Variants in BTAF1 observed in about 807,000 individuals in gnomAD.
The protein encoded by BTAF1 is TATA-binding protein-associated factor 172.
Under a neutral mutation model 227.1 loss-of-function variants are expected in BTAF1, and 38 were observed. That is an observed-to-expected ratio of 0.17 (90% CI 0.13 to 0.22). The LOEUF (loss-of-function observed/expected upper bound fraction) is 0.22. Among genes scored for constraint, BTAF1 ranks in the 10% least tolerant of loss-of-function variants. BTAF1 has a pLI of 1.00. For synonymous variants in BTAF1, 742 were observed against 751.9 expected (o/e 0.99, Z 0.21); for missense variants, 1,598 against 2,204.0 (o/e 0.73, Z 5.51).
chr10:91,964,024 T>G, intron 12 of BTAF1, 53 bp from the exon 13 acceptor site: 1 of 1,601,262 alleles, frequency 6.2e-7, no homozygotes, highest in Admixed American at 1.7e-5. Context: ...TTGGCAGGGT[T>G]TGTGAGTATT....
At chr10:91,932,647 A>G (rs939526359) in intron 1 of BTAF1, among the ~76,000 whole-genome samples, 1 of 152,222 alleles carries the variant, frequency 6.6e-6, no homozygotes. Flanking sequence ...GCCACAAAAA[A>G]ATATAATAAA....
Position 91,942,650 on chromosome 10 carries a change from C to T in BTAF1, c.400+82C>T, listed in dbSNP as rs1221497242. The T allele has an allele frequency of 6.4e-6, 9 of 1,404,608 alleles. 1 individual carries two copies. Among genetic ancestry groups the T allele is most frequent in the South Asian group, 2.7e-5 (2 of 74,630 alleles). 87.0% of individuals were successfully genotyped at this position (1,404,608 alleles called of 1,614,324 possible). A position where few individuals can be genotyped will look rare whatever the true frequency, so the allele number is the denominator to read the frequency against. ...ACTGTGGTATGCTGTTCATTAGTCA[C>T]ACGTAAACTAACATGTCATGAAATG... On this transcript the variant is annotated intron_variant, in intron 4 of 37. Coordinates refer to ENST00000265990, the MANE Select transcript of BTAF1 (RefSeq NM_003972.3).
intron 37 of BTAF1, among the ~76,000 whole-genome samples, chr10:92,027,860 T>A (rs1190791818): frequency 6.6e-6 from 1 of 152,182 alleles, no homozygotes; most frequent in Admixed American, 6.5e-5. Context: ...GGATTTAAAG[T>A]CCTACATAGG....
At chr10:92,022,502 C>G (rs1589996592) in intron 34 of BTAF1, among the ~76,000 whole-genome samples, 2 of 152,218 alleles carry the variant, frequency 1.3e-5, no homozygotes, top group East Asian at 3.9e-4. Flanking sequence ...ACTCCAACCT[C>G]AAACTCTTGG....
intron 25 of BTAF1, among the ~76,000 whole-genome samples, chr10:92,002,931 G>T (rs1849644802): frequency 6.6e-6 from 1 of 152,116 alleles, no homozygotes; most frequent in Non-Finnish European, 1.5e-5. Context: ...AGGCCGAGGT[G>T]GGTGGATCAC....
At chr10:91,964,230 TA>T in intron 13 of BTAF1, 29 bp downstream of exon 13, 1 of 1,601,900 alleles carries the variant, frequency 6.2e-7, no homozygotes, top group Non-Finnish European at 8.5e-7. Context: ...TGGAATAAAG[TA>T]AAAAGTCTTT....
intron 14 of BTAF1, among the ~76,000 whole-genome samples, chr10:91,977,997 C>T (rs1472186417): frequency 6.6e-6 from 1 of 152,134 alleles, no homozygotes; most frequent in African/African-American, 2.4e-5. Context: ...TTACAATCAG[C>T]GAACCTGCAT....
intron 33 of BTAF1, among the ~76,000 whole-genome samples, chr10:92,017,691 T>C (rs1259116162): frequency 6.6e-6 from 1 of 152,036 alleles, no homozygotes; most frequent in African/African-American, 2.4e-5. Flanking sequence ...TAAAAATTTT[T>C]TTAGTGATAA....
chr10:91,973,165 G>A (rs1233241697), intron 14 of BTAF1, among the ~76,000 whole-genome samples: 2 of 152,138 alleles, frequency 1.3e-5, no homozygotes, highest in Non-Finnish European at 2.9e-5. Flanking sequence ...GTAAAGAGCC[G>A]TTAAATAGAG....
chr10:91,958,705 AAAAC>A (rs754032455), intron 8 of BTAF1, among the ~76,000 whole-genome samples: 5 of 152,180 alleles, frequency 3.3e-5, no homozygotes, highest in Admixed American at 1.3e-4. Context: ...TCCATCTCGA[AAAAC>A]AAACAAACAA....
In BTAF1 at chr10:91,956,595, T is replaced by A; in HGVS notation, c.769T>A (p.Ser257Thr). 1 of 1,608,384 alleles carries A rather than the reference T, an allele frequency of 6.2e-7. No homozygotes were observed. The highest frequency in any genetic ancestry group is 1.1e-5 in the South Asian group (1 of 89,964). The change falls in exon 7 of 38, where the codon TCT (serine) becomes ACT (threonine). Residue 257 changes from serine (S) to threonine (T), a missense_variant. Transcript: ENST00000265990. The stretch of plus-strand genomic sequence containing the variant: ...AATAGCAAATGTTGTTATTAATCAG[T>A]CTGCAAATGATTCCAAAGTCTTGAT... ...RKIANVVINQ[S>T]ANDSKVLIDN... is the part of the protein sequence containing the mutation.
chr10:91,942,451 T>C lies in BTAF1; in HGVS notation c.283T>C (p.Ser95Pro), dbSNP rs1845082460. The C allele has an allele frequency of 6.2e-7, 1 of 1,614,010 alleles. No homozygotes were observed. The part of the protein sequence containing the change: ...EPTSESSMED[S>P]PTTERLNFDR... ...TACTTCCGAAAGTTCTATGGAAGATTCACCTACTACAGAGCGATTGAATTT... is the reference window on the plus strand; with the variant it reads ...TACTTCCGAAAGTTCTATGGAAGATCCACCTACTACAGAGCGATTGAATTT... The change falls in exon 4 of 38, where the codon TCA becomes CCA. Residue 95 changes from serine to proline, a missense_variant. Physicochemically the swap from Ser to Pro is moderately conservative, Grantham distance 74. This residue lies in a region of BTAF1 where 298 missense variants were observed against 395.2 expected (regional missense o/e 0.75). Coordinates refer to ENST00000265990, the MANE Select transcript of BTAF1 (RefSeq NM_003972.3).
chr10:92,023,108 A>G (rs1341516988), intron 34 of BTAF1, among the ~76,000 whole-genome samples: 3 of 152,200 alleles, frequency 2.0e-5, no homozygotes, highest in Admixed American at 2.0e-4. Context: ...GACCCTCAGA[A>G]GGCAGGTTTC....
intron 19 of BTAF1, among the ~76,000 whole-genome samples, chr10:91,984,964 T>A (rs754122076): frequency 1.3e-5 from 2 of 152,218 alleles, no homozygotes; most frequent in Non-Finnish European, 2.9e-5. Flanking sequence ...TTTTATATAA[T>A]TAACTAAAAT....
chr10:91,933,418 C>T (rs1235149913), intron 1 of BTAF1, among the ~76,000 whole-genome samples: 1 of 152,084 alleles, frequency 6.6e-6, no homozygotes, highest in African/African-American at 2.4e-5. Context: ...TATACAGTTT[C>T]CTCAGGGAGA....
intron 32 of BTAF1, among the ~76,000 whole-genome samples, chr10:92,014,377 A>G (rs1850560837): frequency 6.6e-6 from 1 of 151,994 alleles, no homozygotes; most frequent in Non-Finnish European, 1.5e-5. Flanking sequence ...GCAGGCACAT[A>G]TCACCATGCC....
chr10:91,931,406 G>A (rs1401138768), intron 1 of BTAF1, among the ~76,000 whole-genome samples: 1 of 152,158 alleles, frequency 6.6e-6, no homozygotes, highest in East Asian at 1.9e-4. Context: ...CATGCAACTT[G>A]ACATCTGTTA....
chr10:91,932,410 A>G (rs924998128), intron 1 of BTAF1, among the ~76,000 whole-genome samples: 1 of 152,240 alleles, frequency 6.6e-6, no homozygotes, highest in Admixed American at 6.5e-5. Context: ...AGCAGGAAAA[A>G]AAAAGGTAAT....
chr10:91,998,314 A>G (rs1324893001), intron 25 of BTAF1, among the ~76,000 whole-genome samples: 1 of 138,806 alleles, frequency 7.2e-6, no homozygotes, highest in Non-Finnish European at 1.7e-5. Context: ...ATCAGACACT[A>G]TGATTCCTAA....
Sources: gnomAD v4.1 joint callset for allele counts (sites outside exome capture counted in the v4.1 genomes callset) on GRCh38, gnomAD v4.1.1 for gene constraint, gnomAD v4.1.1 regional missense constraint, MANE v1.5 for transcripts, NCBI Gene and HGNC (gene_info 2026-07-23, HGNC 2026-07-21) for gene names.